Variants in STXBP5L observed in about 807,000 individuals in gnomAD.
The protein encoded by STXBP5L is syntaxin-binding protein 5-like.
In STXBP5L, 65 loss-of-function variants were observed where a neutral mutation model predicts 144.5. The observed-to-expected ratio is 0.45, with a 90% CI of 0.37 to 0.55. STXBP5L has a LOEUF of 0.55. Among genes scored for constraint, STXBP5L ranks in the 20% least tolerant of loss-of-function variants. The pLI, the probability that STXBP5L is intolerant of heterozygous loss-of-function variation, is 0.00. For synonymous variants in STXBP5L, 505 were observed against 469.6 expected (o/e 1.08, Z -0.97); for missense variants, 1,298 against 1,405.5 (o/e 0.92, Z 1.22).
At chr3:120,967,255 G>A (rs953918745) in intron 3 of STXBP5L, among the ~76,000 whole-genome samples, 1 of 152,140 alleles carries the variant, frequency 6.6e-6, no homozygotes, top group African/African-American at 2.4e-5. Flanking sequence ...TGCACTTCCT[G>A]GGTGAGACAA....
intron 5 of STXBP5L, among the ~76,000 whole-genome samples, chr3:121,079,404 G>T (rs1435434308): frequency 6.6e-6 from 1 of 152,228 alleles, no homozygotes; most frequent in Non-Finnish European, 1.5e-5. Context: ...TTTCAGGAAT[G>T]TGGAGTTGTG....
At chr3:121,093,943 A>G (rs925141923) in intron 5 of STXBP5L, among the ~76,000 whole-genome samples, 2 of 152,008 alleles carry the variant, frequency 1.3e-5, no homozygotes, top group African/African-American at 4.8e-5. Flanking sequence ...ACTGCTTTAA[A>G]TGTGTCCCGG....
chr3:121,209,186 G>T (rs184665795), intron 10 of STXBP5L, among the ~76,000 whole-genome samples: 52 of 152,274 alleles, frequency 3.4e-4, no homozygotes, highest in Admixed American at 2.9e-3. Context: ...GGGCATTTGG[G>T]TTGGTTCCAA....
Position 120,941,119 on chromosome 3 carries a change from G to C in STXBP5L, c.190-13821G>C, listed in dbSNP as rs1381559172. On this transcript the variant is annotated intron_variant, in intron 2 of 26. Transcript: ENST00000471454. ...CATTATCTCAATCATGAGTTTTGGGGTAAGATTAACAGTGTGAATTACAGA... is the reference window on the plus strand; with the variant it reads ...CATTATCTCAATCATGAGTTTTGGGCTAAGATTAACAGTGTGAATTACAGA... 3.3e-5 allele frequency among the ~76,000 whole-genome samples: 5 copies of C among 151,572 alleles called. No individual in the cohort carries two copies. In the East Asian group the frequency reaches 7.7e-4, roughly 23 times the overall value.
intron 15 of STXBP5L, among the ~76,000 whole-genome samples, chr3:121,252,886 G>A (rs2050071810): frequency 6.6e-6 from 1 of 152,152 alleles, no homozygotes. Context: ...TCTCTTCCAA[G>A]CTTATGTAAT....
intron 20 of STXBP5L, among the ~76,000 whole-genome samples, chr3:121,342,760 G>T (rs1184330425): frequency 2.7e-5 from 4 of 146,700 alleles, no homozygotes; most frequent in Admixed American, 6.9e-5. Context: ...TGGACATTTG[G>T]GTTGGTTCCA....
chr3:121,293,561 C>T lies in STXBP5L; in HGVS notation c.2110+13605C>T, dbSNP rs72968058. 2.5e-3 allele frequency among the ~76,000 whole-genome samples: 380 copies of T among 152,196 alleles called. 2 individuals are homozygous for T. The highest frequency in any genetic ancestry group is 8.6e-3 in the African/African-American group (357 of 41,526). ...AGCACATTCCAAGCAGAGTGAACAG[C>T]TTATAAGAAGGTTCTAGGCCAGGTG... On this transcript the variant is annotated intron_variant, in intron 19 of 26. Coordinates refer to ENST00000471454, the MANE Select transcript of STXBP5L (RefSeq NM_001308330.2).
intron 6 of STXBP5L, among the ~76,000 whole-genome samples, chr3:121,121,086 A>T (rs1189706451): frequency 1.3e-5 from 2 of 151,326 alleles, no homozygotes; most frequent in Non-Finnish European, 3.0e-5. Context: ...TAACCTGATA[A>T]GTGTGGTATA....
chr3:121,057,415 T>C (rs1341138186), intron 5 of STXBP5L, among the ~76,000 whole-genome samples: 2 of 152,072 alleles, frequency 1.3e-5, no homozygotes, highest in Non-Finnish European at 2.9e-5. Context: ...GAAATAACTT[T>C]GCCGTTGTGT....
intron 9 of STXBP5L, among the ~76,000 whole-genome samples, chr3:121,204,371 T>A (rs1481078510): frequency 6.6e-6 from 1 of 152,214 alleles, no homozygotes. Flanking sequence ...ACAGTGTGAA[T>A]GATTATGGTC....
chr3:121,038,625 C>G (rs564988443), intron 3 of STXBP5L, among the ~76,000 whole-genome samples: 1 of 151,780 alleles, frequency 6.6e-6, no homozygotes, highest in East Asian at 1.9e-4. Flanking sequence ...TGGTTGATAG[C>G]CTTTTACTTA....
At chr3:121,007,630 G>C (rs541871500) in intron 3 of STXBP5L, among the ~76,000 whole-genome samples, 84 of 152,096 alleles carry the variant, frequency 5.5e-4, no homozygotes, top group Middle Eastern at 3.4e-3. Flanking sequence ...GACGCAGCAG[G>C]AGATAACAGG....
At chr3:121,190,776 T>A (rs1361122104) in intron 9 of STXBP5L, among the ~76,000 whole-genome samples, 2 of 38,878 alleles carry the variant, frequency 5.1e-5, no homozygotes, top group African/African-American at 2.1e-4. Context: ...GCTCCTCAAT[T>A]CCCAGATGGG....
At chr3:121,192,709 C>A (rs913262184) in intron 9 of STXBP5L, among the ~76,000 whole-genome samples, 27 of 152,216 alleles carry the variant, frequency 1.8e-4, no homozygotes, top group Non-Finnish European at 4.4e-5. Flanking sequence ...CTGACAAAAA[C>A]CAGCAATGGG....
chr3:120,942,227 A>G (rs1710602179), intron 2 of STXBP5L, among the ~76,000 whole-genome samples: 1 of 151,746 alleles, frequency 6.6e-6, no homozygotes, highest in Non-Finnish European at 1.5e-5. Context: ...TGAGATATAT[A>G]AACAAATAAT....
At chr3:120,957,951 AAATC>A (rs1162058261) in intron 3 of STXBP5L, among the ~76,000 whole-genome samples, 2 of 152,186 alleles carry the variant, frequency 1.3e-5, no homozygotes, top group African/African-American at 4.8e-5. Context: ...ACCTTTCAAA[AAATC>A]AACGAATCCA....
At chr3:121,103,029 A>G (rs559170388) in intron 5 of STXBP5L, among the ~76,000 whole-genome samples, 1 of 152,280 alleles carries the variant, frequency 6.6e-6, no homozygotes, top group South Asian at 2.1e-4. Context: ...CAGAATGGCT[A>G]TTATTAAAAA....
chr3:121,277,935 C>T (rs992522173), intron 18 of STXBP5L, among the ~76,000 whole-genome samples: 3 of 151,940 alleles, frequency 2.0e-5, no homozygotes, highest in Admixed American at 1.3e-4. Context: ...TTTGGTGGCT[C>T]TTTTATAGGT....
intron 20 of STXBP5L, among the ~76,000 whole-genome samples, chr3:121,343,380 G>T (rs2044810621): frequency 6.6e-6 from 1 of 152,062 alleles, no homozygotes; most frequent in Admixed American, 6.6e-5. Flanking sequence ...TCAACATAGT[G>T]TTGGAAGTTA....
Sources: gnomAD v4.1 joint callset for allele counts (sites outside exome capture counted in the v4.1 genomes callset) on GRCh38, gnomAD v4.1.1 for gene constraint, MANE v1.5 for transcripts, NCBI Gene and HGNC (gene_info 2026-07-23, HGNC 2026-07-21) for gene names.